The following FILIP1 variants were observed in gnomAD, a reference collection of about 807,000 sequenced individuals.
The protein encoded by FILIP1 is filamin-A-interacting protein 1.
In FILIP1, 61 loss-of-function variants were observed where a neutral mutation model predicts 102.1. The observed-to-expected ratio is 0.60, with a 90% CI of 0.49 to 0.74. FILIP1 has a LOEUF of 0.74. Ranked by LOEUF, FILIP1 falls within the 30% of genes least tolerant of loss-of-function variation. The pLI, the probability that FILIP1 is intolerant of heterozygous loss-of-function variation, is 0.00. For synonymous variants in FILIP1, 491 were observed against 526.9 expected (o/e 0.93, Z 0.93); for missense variants, 1,314 against 1,441.2 (o/e 0.91, Z 1.43).
intron 1 of FILIP1, among the ~76,000 whole-genome samples, chr6:75,478,311 T>C (rs1403937046): frequency 6.6e-6 from 1 of 152,192 alleles, no homozygotes; most frequent in East Asian, 1.9e-4. Flanking sequence ...CACAAGATCT[T>C]GAGTGAGATT....
intron 3 of FILIP1, among the ~76,000 whole-genome samples, chr6:75,353,978 G>C (rs560325324): frequency 6.6e-6 from 1 of 151,678 alleles, no homozygotes; most frequent in Admixed American, 6.6e-5. Context: ...TTCCTTTTTT[G>C]GGGGGGTGGG....
At chr6:75,368,768 A>T (rs950201640) in intron 2 of FILIP1, among the ~76,000 whole-genome samples, 11 of 152,142 alleles carry the variant, frequency 7.2e-5, no homozygotes, top group Non-Finnish European at 1.6e-4. Flanking sequence ...GGAGTAATAA[A>T]CTCATGAAAA....
At chr6:75,482,546 A>G (rs1291842045) in intron 1 of FILIP1, among the ~76,000 whole-genome samples, 4 of 152,206 alleles carry the variant, frequency 2.6e-5, no homozygotes, top group Non-Finnish European at 5.9e-5. Context: ...ATTTTAAAGT[A>G]AGAATTCTAG....
intron 3 of FILIP1, among the ~76,000 whole-genome samples, chr6:75,361,603 C>T (rs1775175926): frequency 1.3e-5 from 2 of 152,160 alleles, no homozygotes; most frequent in Non-Finnish European, 2.9e-5. Flanking sequence ...CTAATACTTG[C>T]TGAGTACTTA....
In FILIP1 at chr6:75,312,905, C is replaced by G; in HGVS notation, c.2927G>C (p.Arg976Pro). 1.2e-6 allele frequency: 2 copies of G among 1,614,118 alleles called. No homozygotes were observed. The highest frequency in any genetic ancestry group is 8.5e-7 in the Non-Finnish European group (1 of 1,180,026). The change falls in exon 5 of 6, where the codon CGA becomes CCA. Residue 976 changes from arginine to proline, a missense_variant. By Grantham distance (103) the Arg-to-Pro change is moderately radical (BLOSUM62 -2). Around this residue, in one of 3 missense-constraint regions of FILIP1, gnomAD observed 816 missense variants for 913.1 expected, o/e 0.89. Transcript: ENST00000237172. The part of the protein sequence containing the change: ...KSGDTTLGPE[R>P]AMSPVTITTF... ...AGTAATTGTGACTGGGGACATGGCTCGTTCTGGGCCAAGAGTAGTATCTCC... is the reference window on the plus strand; with the variant it reads ...AGTAATTGTGACTGGGGACATGGCTGGTTCTGGGCCAAGAGTAGTATCTCC...
intron 1 of FILIP1, among the ~76,000 whole-genome samples, chr6:75,444,858 T>C (rs1262617328): frequency 3.3e-5 from 5 of 152,170 alleles, no homozygotes; most frequent in Admixed American, 3.3e-4. Context: ...GGACAGGTAA[T>C]AAAATTTCAG....
chr6:75,396,444 C>T (rs1034652373), intron 2 of FILIP1, among the ~76,000 whole-genome samples: 14 of 152,064 alleles, frequency 9.2e-5, no homozygotes, highest in Non-Finnish European at 7.4e-5. Context: ...CATGTCTCTC[C>T]AGCTATGTGA....
At chr6:75,363,984 T>C (rs926591448) in intron 2 of FILIP1, among the ~76,000 whole-genome samples, 2 of 152,212 alleles carry the variant, frequency 1.3e-5, no homozygotes. Context: ...AGTAGTCAAC[T>C]ATGAGTATTC....
rs758893145 is a variant in FILIP1 at position 75,308,702 on chromosome 6, C to G, written c.3631G>C (p.Gly1211Arg). 2 of 1,612,874 alleles carry G rather than the reference C, an allele frequency of 1.2e-6. No individual in the cohort carries two copies. Among genetic ancestry groups the G allele is most frequent in the East Asian group, 2.2e-5 (1 of 44,884 alleles). The change falls in exon 6 of 6, where the codon GGG becomes CGG. Residue 1211 changes from glycine (G) to arginine (R), a missense_variant. This residue lies in a region of FILIP1 where 816 missense variants were observed against 913.1 expected (regional missense o/e 0.89). Transcript: ENST00000237172. ...AASSTTSLGG[G>R]KG ...CTTAGCCACTGCCCTCAGCCCTTCC[C>G]CCCTCCGAGAGAGGTGGTGCTGCTG...
intron 4 of FILIP1, among the ~76,000 whole-genome samples, chr6:75,334,292 A>C (rs887113175): frequency 6.6e-6 from 1 of 152,092 alleles, no homozygotes; most frequent in Non-Finnish European, 1.5e-5. Flanking sequence ...TACTTCCCCC[A>C]CCATAGAAAA....
chr6:75,351,282 C>A (rs778778872), intron 4 of FILIP1, among the ~76,000 whole-genome samples: 1 of 152,130 alleles, frequency 6.6e-6, no homozygotes, highest in Non-Finnish European at 1.5e-5. Context: ...AGGCTGCTCT[C>A]GAACTCCTGA....
intron 1 of FILIP1, among the ~76,000 whole-genome samples, chr6:75,439,744 T>C (rs1435878917): frequency 1.3e-5 from 2 of 152,244 alleles, no homozygotes; most frequent in Non-Finnish European, 2.9e-5. Context: ...TGGGTATCCC[T>C]ATCCAAAATA....
At chr6:75,476,591 A>G (rs1036417051) in intron 1 of FILIP1, among the ~76,000 whole-genome samples, 36 of 152,212 alleles carry the variant, frequency 2.4e-4, no homozygotes, top group African/African-American at 8.2e-4. Flanking sequence ...TTCTATATGC[A>G]TATTTTACGT....
intron 2 of FILIP1, among the ~76,000 whole-genome samples, chr6:75,414,074 A>C (rs1470679931): frequency 6.7e-6 from 1 of 148,972 alleles, no homozygotes; most frequent in African/African-American, 2.5e-5. Context: ...CCACATTTTT[A>C]TTGTGATCAT....
At chr6:75,373,143 A>T (rs185743705) in intron 2 of FILIP1, among the ~76,000 whole-genome samples, 1 of 152,358 alleles carries the variant, frequency 6.6e-6, no homozygotes, top group African/African-American at 2.4e-5. Flanking sequence ...AAGATTGGTG[A>T]ATCTTGAAGA....
chr6:75,462,367 G>A (rs897261834), intron 1 of FILIP1, among the ~76,000 whole-genome samples: 3 of 152,116 alleles, frequency 2.0e-5, no homozygotes, highest in African/African-American at 7.2e-5. Context: ...AGGAGGCCCA[G>A]AGAATTGCAG....
At chr6:75,377,953 CAGT>C (rs2149636573) in intron 2 of FILIP1, among the ~76,000 whole-genome samples, 1 of 152,332 alleles carries the variant, frequency 6.6e-6, no homozygotes, top group East Asian at 1.9e-4. Flanking sequence ...TCATTATTCA[CAGT>C]AGTAGTTATG....
intron 3 of FILIP1, among the ~76,000 whole-genome samples, chr6:75,357,835 G>A (rs775409016): frequency 5.7e-4 from 87 of 152,286 alleles, no homozygotes; most frequent in Non-Finnish European, 1.0e-3. Context: ...TTGGCTCTAT[G>A]TGGCTTGTCC....
chr6:75,307,254 T>C (rs558596945), downstream of FILIP1, among the ~76,000 whole-genome samples: 6 of 152,256 alleles, frequency 3.9e-5, no homozygotes, highest in South Asian at 4.1e-4. Context: ...AAATCTGGTG[T>C]GGAAAGGAAC....
Sources: allele counts gnomAD v4.1 joint callset (sites outside exome capture counted in the v4.1 genomes callset), GRCh38; gene constraint gnomAD v4.1.1; regional missense constraint gnomAD v4.1.1; transcripts MANE v1.5; gene names NCBI Gene and HGNC (gene_info 2026-07-23, HGNC 2026-07-21).